The following MTR variants were observed in gnomAD, a reference collection of about 807,000 sequenced individuals.
The protein encoded by MTR is 5-methyltetrahydrofolate-homocysteine methyltransferase, also known as methionine synthase.
Under a neutral mutation model 154.8 loss-of-function variants are expected in MTR, and 84 were observed. The observed-to-expected ratio is 0.54, with a 90% CI of 0.45 to 0.65. The LOEUF is 0.65. Among genes scored for constraint, MTR ranks in the 30% least tolerant of loss-of-function variants. MTR has a pLI of 0.00. For synonymous variants in MTR, 554 were observed against 553.9 expected (o/e 1.00, Z 0.00); for missense variants, 1,275 against 1,570.2 (o/e 0.81, Z 3.18).
intron 15 of MTR, among the ~76,000 whole-genome samples, chr1:236,847,307 C>G (rs1395453679): frequency 6.6e-6 from 1 of 152,178 alleles, no homozygotes; most frequent in African/African-American, 2.4e-5. Context: ...TGAAGTTAGC[C>G]CTGTTCGATC....
At chr1:236,797,079 C>T (rs1352728583) in intron 1 of MTR, among the ~76,000 whole-genome samples, 1 of 152,068 alleles carries the variant, frequency 6.6e-6, no homozygotes, top group Non-Finnish European at 1.5e-5. Flanking sequence ...CTAGTCCCCT[C>T]ACCCCCAAGG....
Position 236,900,072 on chromosome 1 carries a change from G to C in MTR, c.*2428G>C, listed in dbSNP as rs990570341. 5 of 293,530 alleles carry C rather than the reference G, an allele frequency of 1.7e-5. No individual in the cohort carries two copies. The highest frequency in any genetic ancestry group is 3.4e-5 in the Non-Finnish European group (5 of 144,928). The allele number at this position is 293,530 out of a possible 1,614,324, so 18.2% of individuals were successfully genotyped here. A position where few individuals can be genotyped will look rare whatever the true frequency, so the allele number is the denominator to read the frequency against. On this transcript the variant is annotated 3_prime_UTR_variant, in exon 33 of 33. Coordinates refer to ENST00000366577, the MANE Select transcript of MTR (RefSeq NM_000254.3). The stretch of plus-strand genomic sequence containing the variant: ...CTTCCAACTCCCACCTGTATGTCCA[G>C]CAAACTCTTGCATGTGGCCACTAGG...
At position 236,872,688 on chromosome 1, in the gene MTR, G is replaced by T. The variant is rs1223784548; in HGVS notation, c.2406-1085G>T. On this transcript the variant is annotated intron_variant, in intron 22 of 32. Transcript: ENST00000366577. ...CTTTCATGATAGAGTTACTATGAGGGTTTAAATGAGATCATTTATGCAGGC... is the reference window on the plus strand; with the variant it reads ...CTTTCATGATAGAGTTACTATGAGGTTTTAAATGAGATCATTTATGCAGGC... 2.6e-5 allele frequency among the ~76,000 whole-genome samples: 4 copies of T among 152,200 alleles called. No homozygotes were observed. The Middle Eastern group carries it at 0.014, about 521-fold the overall frequency.
intron 11 of MTR, 31 bp from the exon 12 acceptor site, chr1:236,829,158 A>C (rs1372605177): frequency 6.6e-7 from 1 of 1,515,392 alleles, no homozygotes; most frequent in Admixed American, 1.7e-5. Flanking sequence ...ATTCTGAATT[A>C]ATGGATACAA....
At chr1:236,843,145 G>A (rs1387091900) in intron 15 of MTR, among the ~76,000 whole-genome samples, 1 of 151,854 alleles carries the variant, frequency 6.6e-6, no homozygotes, top group Non-Finnish European at 1.5e-5. Flanking sequence ...GTTGAATACG[G>A]TAAAGGGAAA....
chr1:236,879,843 C>T lies in MTR; in HGVS notation c.2595-912C>T, dbSNP rs547186288. ...TTGGTAATAGGGATGTGGGGCTGAA[C>T]CAATCCTAAATATTAAAAGTAAAAT... On this transcript the variant is annotated intron_variant, in intron 24 of 32. Coordinates refer to ENST00000366577, the MANE Select transcript of MTR (RefSeq NM_000254.3). Among the ~76,000 whole-genome samples the T allele has an allele frequency of 2.0e-5, 3 of 152,140 alleles. No homozygotes were observed. The South Asian group carries it at 6.2e-4, about 32-fold the overall frequency.
intron 15 of MTR, among the ~76,000 whole-genome samples, chr1:236,843,618 A>G (rs1572250042): frequency 1.3e-5 from 2 of 152,370 alleles, no homozygotes; most frequent in South Asian, 4.1e-4. Flanking sequence ...GCTGTAATTC[A>G]GATGAGATAT....
chr1:236,880,208 G>A (rs934863077), intron 24 of MTR, among the ~76,000 whole-genome samples: 1 of 152,126 alleles, frequency 6.6e-6, no homozygotes, highest in African/African-American at 2.4e-5. Flanking sequence ...TTGCCTCTCT[G>A]TATTATTTTA....
intron 8 of MTR, chr1:236,820,587 T>TTAA: frequency 2.4e-6 from 1 of 410,574 alleles, no homozygotes; most frequent in Non-Finnish European, 4.4e-6. Context: ...GTCAGTTTCT[T>TTAA]AAAAAAAAAA....
chr1:236,856,519 T>C (rs538854696), intron 18 of MTR, among the ~76,000 whole-genome samples: 1 of 152,020 alleles, frequency 6.6e-6, no homozygotes, highest in East Asian at 1.9e-4. Context: ...TTCTTTCTTT[T>C]TTTTTCTTCT....
intron 24 of MTR, among the ~76,000 whole-genome samples, chr1:236,878,099 T>C (rs972747611): frequency 2.7e-5 from 4 of 148,050 alleles, no homozygotes; most frequent in Admixed American, 2.7e-4. Context: ...GAAATACATA[T>C]ATTGCAAATA....
chr1:236,874,526 G>A (rs550957474), intron 23 of MTR, among the ~76,000 whole-genome samples, 200 bp from the exon 24 acceptor site: 2 of 150,096 alleles, frequency 1.3e-5, no homozygotes, highest in East Asian at 2.0e-4. Flanking sequence ...AGCCGAGATC[G>A]CGCCACTGCA....
chr1:236,853,268 C>G (rs1447303782), intron 18 of MTR, among the ~76,000 whole-genome samples, 180 bp downstream of exon 18: 1 of 152,150 alleles, frequency 6.6e-6, no homozygotes, highest in African/African-American at 2.4e-5. Flanking sequence ...GAAGGGTAAA[C>G]AGACCATGCC....
Position 236,829,226 on chromosome 1 carries a change from G to A in MTR, c.1033G>A (p.Val345Ile), listed in dbSNP as rs145006491. 1,368 of 1,614,010 alleles carry A rather than the reference G, an allele frequency of 8.5e-4. 14 individuals carry two copies. In the African/African-American group the frequency reaches 0.016, roughly 19 times the overall value. Residue 345 changes from valine to isoleucine, a missense_variant, in exon 12 of 33, where the codon GTT becomes ATT. Physicochemically the swap from Val to Ile is conservative, Grantham distance 29. Transcript: ENST00000366577. Reference protein sequence around the residue: ...AEAVKNCKPRVPPATAFEGHM... With the variant: ...AEAVKNCKPRIPPATAFEGHM... ...AGCTGTGAAAAATTGTAAGCCTAGAGTTCCACCTGCCACTGCTTTTGAAGG... is the reference window on the plus strand; with the variant it reads ...AGCTGTGAAAAATTGTAAGCCTAGAATTCCACCTGCCACTGCTTTTGAAGG...
At chr1:236,862,946 C>T (rs1664627634) in intron 21 of MTR, among the ~76,000 whole-genome samples, 2 of 152,028 alleles carry the variant, frequency 1.3e-5, no homozygotes, top group South Asian at 4.1e-4. Flanking sequence ...TATAAAAATC[C>T]TTCTTGTTTT....
At chr1:236,897,194 A>C in intron 32 of MTR, 76 bp downstream of exon 32, 1 of 1,134,668 alleles carries the variant, frequency 8.8e-7, no homozygotes, top group Non-Finnish European at 1.3e-6. Context: ...TTTAAATGTG[A>C]ATGAGAATAA....
chr1:236,851,734 A>G (rs951353188), intron 16 of MTR, among the ~76,000 whole-genome samples: 1 of 152,204 alleles, frequency 6.6e-6, no homozygotes, highest in Non-Finnish European at 1.5e-5. Flanking sequence ...CCTGCTTTTG[A>G]GCCTAATAAA....
Position 236,894,515 on chromosome 1 carries a change from C to G in MTR, c.3363C>G (p.Tyr1121Ter). ...CCTATGAGGATGATGGTGACGACTA[C>G]AGCAGCATCATGGTCAAGGCGCTGG... The part of the protein sequence containing the change: ...SKAYEDDGDD[Y>*]SSIMVKALGD... The change falls in exon 30 of 33, where the codon TAC becomes TAG. Residue 1121 changes from tyrosine to a stop codon, truncating the protein, a stop_gained. Coordinates refer to ENST00000366577, the MANE Select transcript of MTR (RefSeq NM_000254.3). LOFTEE classifies it high-confidence loss of function. 6.2e-7 allele frequency: 1 copy of G among 1,614,160 alleles called. No individual in the cohort carries two copies. Among genetic ancestry groups the G allele is most frequent in the Non-Finnish European group, 8.5e-7 (1 of 1,180,036 alleles).
intron 6 of MTR, among the ~76,000 whole-genome samples, chr1:236,814,877 T>G (rs1014137176): frequency 5.9e-5 from 9 of 152,180 alleles, no homozygotes; most frequent in Non-Finnish European, 1.3e-4. Flanking sequence ...TTTAGTAACT[T>G]TCCATGAAAA....
Sources: allele counts gnomAD v4.1 joint callset (sites outside exome capture counted in the v4.1 genomes callset), GRCh38; gene constraint gnomAD v4.1.1; transcripts MANE v1.5; gene names NCBI Gene and HGNC (gene_info 2026-07-23, HGNC 2026-07-21).